RBFOX1: variants seen among roughly 807,000 people sequenced by gnomAD.
RBFOX1 encodes the protein RNA binding fox-1 homolog 1.
Under a neutral mutation model 57.7 loss-of-function variants are expected in RBFOX1, and 8 were observed. The observed-to-expected ratio is 0.14, with a 90% CI of 0.08 to 0.25. RBFOX1 has a LOEUF of 0.25. Among genes scored for constraint, RBFOX1 ranks in the 10% least tolerant of loss-of-function variants. The pLI is 1.00. For missense variants in RBFOX1, 611 were observed against 548.5 expected, an observed-to-expected ratio of 1.11 and a Z score of -1.14; for synonymous variants, 326 against 222.4, an observed-to-expected ratio of 1.47 and a Z score of -4.15.
intron 2 of RBFOX1, among the ~76,000 whole-genome samples, chr16:6,497,271 C>T (rs1253344823): frequency 4.6e-5 from 7 of 152,164 alleles, no homozygotes; most frequent in Non-Finnish European, 7.3e-5. Flanking sequence ...TCCAGACCAG[C>T]TCTTCTCAGG....
intron 3 of RBFOX1, among the ~76,000 whole-genome samples, chr16:6,770,892 C>G (rs1269833117): frequency 6.6e-6 from 1 of 152,160 alleles, no homozygotes; most frequent in Non-Finnish European, 1.5e-5. Flanking sequence ...GTCAGTGACA[C>G]AAAATGATGT....
chr16:6,552,229 A>C (rs2097004619), intron 2 of RBFOX1, among the ~76,000 whole-genome samples: 2 of 152,168 alleles, frequency 1.3e-5, no homozygotes. Context: ...TAGACCAGTG[A>C]ATAGAGTAAT....
At chr16:6,705,636 T>C (rs2154145913) in intron 3 of RBFOX1, 1 of 152,244 alleles carries the variant, frequency 6.6e-6, no homozygotes, top group African/African-American at 2.4e-5. Context: ...TGATAGCAAA[T>C]ATTTTACAGT....
At chr16:7,294,670 G>A (rs902764232) in intron 4 of RBFOX1, among the ~76,000 whole-genome samples, 1 of 152,082 alleles carries the variant, frequency 6.6e-6, no homozygotes, top group African/African-American at 2.4e-5. Flanking sequence ...GGTGGCTGGG[G>A]TCAGCGATAT....
intron 1 of RBFOX1, among the ~76,000 whole-genome samples, chr16:6,021,820 G>A (rs1356075246): frequency 2.0e-5 from 3 of 152,152 alleles, no homozygotes; most frequent in Admixed American, 6.5e-5. Context: ...AGTTTCAGTC[G>A]TAGTTCTGTC....
intron 3 of RBFOX1, among the ~76,000 whole-genome samples, chr16:5,678,450 A>C (rs1458741689): frequency 6.6e-6 from 1 of 152,228 alleles, no homozygotes; most frequent in Non-Finnish European, 1.5e-5. Flanking sequence ...ATCAATATAG[A>C]AAGTAAATAG....
intron 4 of RBFOX1, among the ~76,000 whole-genome samples, chr16:7,244,860 A>G (rs1006910879): frequency 1.3e-5 from 2 of 152,170 alleles, no homozygotes; most frequent in African/African-American, 4.8e-5. Flanking sequence ...GGCCTAAATA[A>G]GAGATATTCC....
At chr16:7,276,139 A>C (rs74719861) in intron 4 of RBFOX1, among the ~76,000 whole-genome samples, 5,361 of 152,314 alleles carry the variant, frequency 0.035, 135 homozygotes, top group East Asian at 0.13. Context: ...GAGACCCTGC[A>C]AGGTGGCGAT....
chr16:5,456,974 T>C (rs1234562175), intron 1 of RBFOX1, among the ~76,000 whole-genome samples: 3 of 152,178 alleles, frequency 2.0e-5, no homozygotes, highest in Non-Finnish European at 2.9e-5. Flanking sequence ...ATGGGTGAAG[T>C]GGCTTAAACA....
At position 6,979,739 on chromosome 16, in the gene RBFOX1, A is replaced by C. The variant is rs965477956; in HGVS notation, c.-15-72318A>C. The stretch of plus-strand genomic sequence containing the variant: ...TTTGAAGGCTGTGATCATTCCTCCT[A>C]AACAGTGGATGAAGATTTTCTAAAA... On this transcript the variant is annotated intron_variant, in intron 3 of 15. Transcript: ENST00000550418. Among the ~76,000 whole-genome samples the C allele has an allele frequency of 5.3e-5, 8 of 152,306 alleles. 1 individual carries two copies. The highest frequency in any genetic ancestry group is 6.5e-5 in the Admixed American group (1 of 15,294).
At chr16:6,502,355 C>G (rs1186959013) in intron 2 of RBFOX1, among the ~76,000 whole-genome samples, 1 of 152,036 alleles carries the variant, frequency 6.6e-6, no homozygotes, top group Non-Finnish European at 1.5e-5. Flanking sequence ...TAGGAAAATC[C>G]CAAGAAGAGG....
intron 4 of RBFOX1, among the ~76,000 whole-genome samples, chr16:7,253,446 G>A (rs967199978): frequency 6.6e-6 from 1 of 152,104 alleles, no homozygotes; most frequent in Non-Finnish European, 1.5e-5. Flanking sequence ...GGTAAAGTCT[G>A]AGTTCCCAAC....
chr16:7,170,888 A>T (rs765644318), intron 4 of RBFOX1, among the ~76,000 whole-genome samples: 3 of 152,126 alleles, frequency 2.0e-5, no homozygotes, highest in Non-Finnish European at 2.9e-5. Flanking sequence ...GTTTCATCAA[A>T]ACGTCCAGCT....
intron 4 of RBFOX1, among the ~76,000 whole-genome samples, chr16:5,941,298 TG>T (rs2059272626): frequency 1.3e-5 from 2 of 152,010 alleles, no homozygotes; most frequent in African/African-American, 4.8e-5. Flanking sequence ...AAGACCAGCC[TG>T]GGCAACGTAG....
intron 3 of RBFOX1, among the ~76,000 whole-genome samples, chr16:5,764,407 C>T (rs1243069338): frequency 2.0e-5 from 3 of 152,230 alleles, no homozygotes; most frequent in African/African-American, 7.2e-5. Context: ...GTAAAGCCTG[C>T]AGAACCATGA....
chr16:7,464,686 G>GTTTTT (rs2060174937), intron 4 of RBFOX1, among the ~76,000 whole-genome samples: 1 of 103,460 alleles, frequency 9.7e-6, no homozygotes, highest in African/African-American at 3.9e-5. Flanking sequence ...TGTATTGTCT[G>GTTTTT]TCTTTTTTTT....
chr16:5,598,945 A>G, exon 3 of RBFOX1: 2 of 1,533,622 alleles, frequency 1.3e-6, no homozygotes, highest in Non-Finnish European at 1.7e-6. Context: ...GGTGCCAAGA[A>G]CAGCCTGCAA....
chr16:6,532,895 G>A lies in RBFOX1; in HGVS notation c.-63-121708G>A, dbSNP rs940682756. ...CCCTTCTCTGGCCCCTTGAGTGCCA[G>A]TGTCACCAACACCACTGGTCACTCT... On this transcript the variant is annotated intron_variant, in intron 2 of 15. Transcript: ENST00000550418. Among the ~76,000 whole-genome samples, 8 of 152,346 alleles carry A rather than the reference G, an allele frequency of 5.3e-5. 1 individual carries two copies. The South Asian group carries it at 1.2e-3, about 24-fold the overall frequency.
rs538146929 is a variant in RBFOX1 at position 6,094,741 on chromosome 16, G to A, written c.-127+74749G>A. 6.5e-4 allele frequency among the ~76,000 whole-genome samples: 99 copies of A among 152,302 alleles called. 1 individual carries two copies. The highest frequency in any genetic ancestry group is 3.4e-3 in the Middle Eastern group (1 of 294). The stretch of plus-strand genomic sequence containing the variant: ...AAATAATGACAGTATCAACCTCATA[G>A]TGTTGTTGTGAGGATTAAATTAAAT... On this transcript the variant is annotated intron_variant, in intron 1 of 15. Coordinates refer to ENST00000550418, the MANE Select transcript of RBFOX1 (RefSeq NM_018723.4).
Sources: gnomAD v4.1 joint callset for allele counts (sites outside exome capture counted in the v4.1 genomes callset) on GRCh38, gnomAD v4.1.1 for gene constraint, MANE v1.5 for transcripts, NCBI Gene and HGNC (gene_info 2026-07-23, HGNC 2026-07-21) for gene names.